Variants in TAOK1 observed in about 807,000 individuals in gnomAD.
The protein encoded by TAOK1 is TAO kinase 1, also known as serine/threonine-protein kinase TAO1.
TAOK1 carries 21 observed loss-of-function variants against 138.3 expected under a neutral mutation model. The observed-to-expected ratio is 0.15, with a 90% CI of 0.11 to 0.22. The LOEUF is 0.22. TAOK1 is among the 10% of genes least tolerant of loss of function. The pLI is 1.00. For missense variants in TAOK1, 651 were observed against 1,227.7 expected (o/e 0.53, Z 7.02); for synonymous variants, 361 against 398.4 (o/e 0.91, Z 1.12).
chr17:29,520,211 A>G (rs1003423210), intron 16 of TAOK1, among the ~76,000 whole-genome samples: 1 of 151,786 alleles, frequency 6.6e-6, no homozygotes, highest in Non-Finnish European at 1.5e-5. Context: ...TGAAACATGG[A>G]AACAGCTTAA....
chr17:29,533,812 G>A (rs2032173321), intron 18 of TAOK1, among the ~76,000 whole-genome samples: 1 of 144,186 alleles, frequency 6.9e-6, no homozygotes, highest in Non-Finnish European at 1.5e-5. Context: ...CTTCGGCTCG[G>A]CATCAGAGGG....
chr17:29,500,189 T>C (rs1040551496), intron 12 of TAOK1, among the ~76,000 whole-genome samples: 1 of 152,002 alleles, frequency 6.6e-6, no homozygotes, highest in African/African-American at 2.4e-5. Context: ...TGGTGCATGC[T>C]TCTAATCTCA....
At chr17:29,518,956 G>A (rs1370742797) in intron 16 of TAOK1, among the ~76,000 whole-genome samples, 3 of 151,802 alleles carry the variant, frequency 2.0e-5, no homozygotes, top group South Asian at 2.1e-4. Flanking sequence ...TAGTAGAGAC[G>A]GGGTTTTGCC....
intron 2 of TAOK1, among the ~76,000 whole-genome samples, chr17:29,464,460 A>G (rs1023057750): frequency 6.7e-6 from 1 of 148,518 alleles, no homozygotes; most frequent in Non-Finnish European, 1.5e-5. Flanking sequence ...AAAAAAAAAG[A>G]AAAAAAAAAT....
intron 15 of TAOK1, 172 bp downstream of exon 15, chr17:29,511,164 AT>A: frequency 2.4e-6 from 1 of 411,086 alleles, no homozygotes; most frequent in Non-Finnish European, 4.3e-6. Flanking sequence ...TAACTGAGTC[AT>A]TTAGTTGAGT....
chr17:29,413,881 C>CTTTTTTTTTTTTT (rs34539579), intron 1 of TAOK1, among the ~76,000 whole-genome samples: 1 of 101,250 alleles, frequency 9.9e-6, no homozygotes, highest in Non-Finnish European at 1.9e-5. Context: ...TTTCTGGCTT[C>CTTTTTTTTTTTTT]TTTTTTTTTT....
At chr17:29,430,581 G>A (rs1598478224) in intron 1 of TAOK1, among the ~76,000 whole-genome samples, 1 of 152,220 alleles carries the variant, frequency 6.6e-6, no homozygotes, top group East Asian at 1.9e-4. Context: ...CTCAGGAAAG[G>A]TCAAAGGGAG....
At chr17:29,427,060 A>G (rs1037899873) in intron 1 of TAOK1, among the ~76,000 whole-genome samples, 3 of 152,194 alleles carry the variant, frequency 2.0e-5, no homozygotes, top group African/African-American at 7.2e-5. Flanking sequence ...GGAACAATGA[A>G]ATAGATTCGG....
rs1028676064 is a variant in TAOK1 at position 29,544,022 on chromosome 17, A to T, written c.*1000A>T. On this transcript the variant is annotated 3_prime_UTR_variant, in exon 20 of 20. Coordinates refer to ENST00000261716, the MANE Select transcript of TAOK1 (RefSeq NM_020791.4). ...TATAATGCCCAAGACCCCAAACAGT[A>T]CTTTTACTTTGTTTGTACAAAAACA... is the stretch of plus-strand genomic sequence containing the variant. 6.6e-6 allele frequency: 1 copy of T among 152,574 alleles called. No homozygotes were observed. The highest frequency in any genetic ancestry group is 2.1e-4 in the South Asian group (1 of 4,830). 9.5% of individuals were successfully genotyped at this position (152,574 alleles called of 1,614,324 possible).
At chr17:29,431,154 A>G (rs942542337) in intron 1 of TAOK1, among the ~76,000 whole-genome samples, 3 of 152,166 alleles carry the variant, frequency 2.0e-5, no homozygotes, top group African/African-American at 7.2e-5. Context: ...GTCCAAAACA[A>G]TGACCTCCCA....
chr17:29,532,169 C>T (rs1318835516), intron 18 of TAOK1, among the ~76,000 whole-genome samples: 1 of 151,998 alleles, frequency 6.6e-6, no homozygotes, highest in African/African-American at 2.4e-5. Context: ...AATATGTAAC[C>T]CTTTCAAAAT....
intron 19 of TAOK1, among the ~76,000 whole-genome samples, chr17:29,542,084 AG>A (rs1337443093): frequency 6.6e-6 from 1 of 151,972 alleles, no homozygotes; most frequent in African/African-American, 2.4e-5. Context: ...TCACCATGTT[AG>A]CCAGGATGGT....
intron 8 of TAOK1, among the ~76,000 whole-genome samples, chr17:29,487,720 A>G (rs1474051259): frequency 6.6e-6 from 1 of 152,254 alleles, no homozygotes; most frequent in Non-Finnish European, 1.5e-5. Flanking sequence ...AATAAATGAT[A>G]TAACTTATTA....
At chr17:29,429,554 G>T (rs1485962066) in intron 1 of TAOK1, among the ~76,000 whole-genome samples, 4 of 152,290 alleles carry the variant, frequency 2.6e-5, no homozygotes, top group Non-Finnish European at 4.4e-5. Flanking sequence ...GGGACTACAG[G>T]TGTGAGCCAC....
rs73276595 is a variant in TAOK1 at position 29,468,859 on chromosome 17, A to C, written c.204+1643A>C. On this transcript the variant is annotated intron_variant, in intron 3 of 19. Transcript: ENST00000261716. ...CCACCGCACCTAGCCTGTGATCTTT[A>C]AAATGGTTTAAACATTGTTTAATGC... Among the ~76,000 whole-genome samples the C allele has an allele frequency of 7.1e-3, 1,084 of 152,330 alleles. 16 individuals carry two copies. The highest frequency in any genetic ancestry group is 0.025 in the African/African-American group (1,039 of 41,576).
chr17:29,408,743 C>T (rs1598467885), intron 1 of TAOK1, among the ~76,000 whole-genome samples: 1 of 151,498 alleles, frequency 6.6e-6, no homozygotes, highest in East Asian at 2.0e-4. Flanking sequence ...GATGGAGTCT[C>T]ACTGTGTCAC....
chr17:29,534,315 A>G lies in TAOK1; in HGVS notation c.2544+15A>G. 1 of 1,506,782 alleles carries G rather than the reference A, an allele frequency of 6.6e-7. No homozygotes were observed. The highest frequency in any genetic ancestry group is 8.9e-7 in the Non-Finnish European group (1 of 1,126,686). The allele number at this position is 1,506,782 out of a possible 1,614,324, so 93.3% of individuals were successfully genotyped here. A position where few individuals can be genotyped will look rare whatever the true frequency, so the allele number is the denominator to read the frequency against. ...TAGAACAAAAGGTATAAGTAATAGAAGGAAAAATCATTGTTTTCGAATTAG... is the reference window on the plus strand; with the variant it reads ...TAGAACAAAAGGTATAAGTAATAGAGGGAAAAATCATTGTTTTCGAATTAG... On this transcript the variant is annotated intron_variant, in intron 19 of 19. Coordinates refer to ENST00000261716, the MANE Select transcript of TAOK1 (RefSeq NM_020791.4).
At chr17:29,422,019 TC>T (rs1213847308) in intron 1 of TAOK1, among the ~76,000 whole-genome samples, 1 of 151,788 alleles carries the variant, frequency 6.6e-6, no homozygotes, top group Non-Finnish European at 1.5e-5. Flanking sequence ...TGCCTCAGCC[TC>T]CCGAGTAGCT....
In TAOK1 at chr17:29,544,743, T is replaced by C. The variant is rs773688782; in HGVS notation, c.*1721T>C. On this transcript the variant is annotated 3_prime_UTR_variant, in exon 20 of 20. Coordinates refer to ENST00000261716, the MANE Select transcript of TAOK1 (RefSeq NM_020791.4). ...ACAAATCAGAGTTTCTTACAAGTTATTGTCCTGCTCCCTTCCAAGTTGTCT... is the reference window on the plus strand; with the variant it reads ...ACAAATCAGAGTTTCTTACAAGTTACTGTCCTGCTCCCTTCCAAGTTGTCT... The C allele has an allele frequency of 1.3e-5, 2 of 152,236 alleles. No individual in the cohort carries two copies. The highest frequency in any genetic ancestry group is 2.4e-5 in the African/African-American group (1 of 41,458). 9.4% of individuals were successfully genotyped at this position (152,236 alleles called of 1,614,324 possible). A position where few individuals can be genotyped will look rare whatever the true frequency, so the allele number is the denominator to read the frequency against.
Sources: gnomAD v4.1 joint callset for allele counts (sites outside exome capture counted in the v4.1 genomes callset) on GRCh38, gnomAD v4.1.1 for gene constraint, MANE v1.5 for transcripts, NCBI Gene and HGNC (gene_info 2026-07-23, HGNC 2026-07-21) for gene names.